The following IGF1R variants were observed in gnomAD, a reference collection of about 807,000 sequenced individuals.
The protein encoded by IGF1R is insulin-like growth factor 1 receptor.
In IGF1R, 44 loss-of-function variants were observed where a neutral mutation model predicts 144.6. The observed-to-expected ratio is 0.30, with a 90% CI of 0.24 to 0.39. The LOEUF is 0.39. Among genes scored for constraint, IGF1R ranks in the 10% least tolerant of loss-of-function variants. The pLI is 1.00. For missense variants in IGF1R, 1,355 were observed against 1,833.7 expected (o/e 0.74, Z 4.77); for synonymous variants, 795 against 722.8 (o/e 1.10, Z -1.60).
intron 1 of IGF1R, among the ~76,000 whole-genome samples, chr15:98,692,949 C>A (rs779480541): frequency 3.9e-5 from 6 of 152,130 alleles, no homozygotes; most frequent in South Asian, 2.1e-4. Flanking sequence ...GACCCTGGAT[C>A]CTTAGTCTCC....
intron 2 of IGF1R, among the ~76,000 whole-genome samples, chr15:98,769,452 CCAGGGGCCTTCTAAG>C (rs1315943620): frequency 2.0e-5 from 3 of 152,126 alleles, no homozygotes; most frequent in Non-Finnish European, 4.4e-5. Context: ...TCAGCTGCTC[CCAGGGGCCTTCTAAG>C]GCCTCAGTCC....
intron 2 of IGF1R, among the ~76,000 whole-genome samples, chr15:98,749,278 A>C (rs540977196): frequency 2.0e-4 from 31 of 151,670 alleles, no homozygotes; most frequent in Admixed American, 5.9e-4. Context: ...AGCCAAGGGG[A>C]TATGCTGCTC....
In IGF1R at chr15:98,649,611, G is replaced by C; in HGVS notation, c.30G>C (p.Pro10=). Residue 10 remains proline (P), a synonymous_variant, in exon 1 of 21, where the codon CCG becomes CCC. Transcript: ENST00000650285. ...AGTCTGGCTCCGGAGGAGGGTCCCCGACCTCGCTGTGGGGGCTCCTGTTTC... is the reference window on the plus strand; with the variant it reads ...AGTCTGGCTCCGGAGGAGGGTCCCCCACCTCGCTGTGGGGGCTCCTGTTTC... MKSGSGGGS[P]TSLWGLLFLS... 1 of 1,594,832 alleles carries C rather than the reference G, an allele frequency of 6.3e-7. No individual in the cohort carries two copies. The highest frequency in any genetic ancestry group is 8.5e-7 in the Non-Finnish European group (1 of 1,171,758).
intron 2 of IGF1R, among the ~76,000 whole-genome samples, chr15:98,760,399 G>A (rs970319400): frequency 1.3e-5 from 2 of 152,092 alleles, no homozygotes; most frequent in African/African-American, 2.4e-5. Context: ...AATTACTATA[G>A]TGGTGGCATT....
chr15:98,661,727 C>T (rs914874531), intron 1 of IGF1R, among the ~76,000 whole-genome samples: 1 of 152,222 alleles, frequency 6.6e-6, no homozygotes, highest in Non-Finnish European at 1.5e-5. Flanking sequence ...CTCAGTGTCT[C>T]TGCCTGTGAT....
chr15:98,830,722 G>C (rs530666234), intron 2 of IGF1R, among the ~76,000 whole-genome samples: 13 of 151,680 alleles, frequency 8.6e-5, no homozygotes, highest in African/African-American at 2.9e-4. Context: ...TCCTGCGTCA[G>C]CCTCCCAAGT....
At chr15:98,796,125 G>C (rs945356625) in intron 2 of IGF1R, among the ~76,000 whole-genome samples, 1 of 152,038 alleles carries the variant, frequency 6.6e-6, no homozygotes, top group Non-Finnish European at 1.5e-5. Context: ...CCGTGGGAGC[G>C]AAGTGGCCAG....
intron 2 of IGF1R, among the ~76,000 whole-genome samples, chr15:98,731,367 T>G (rs573492386): frequency 6.6e-6 from 1 of 152,216 alleles, no homozygotes; most frequent in African/African-American, 2.4e-5. Flanking sequence ...CATCTATCCA[T>G]GTAATTATTA....
rs751395383 is a variant in IGF1R, at chr15:98,916,660, T to G, written c.1997-12T>G. 4 of 1,613,420 alleles carry G rather than the reference T, an allele frequency of 2.5e-6. No homozygotes were observed. In the Admixed American group the frequency reaches 6.7e-5, roughly 27 times the overall value. On this transcript the variant is annotated splice_polypyrimidine_tract_variant and intron_variant, in intron 9 of 20. Coordinates refer to ENST00000650285, the MANE Select transcript of IGF1R (RefSeq NM_000875.5). ...ATTCCCACTCTTGTTTTGGCTTTTC[T>G]TTTCCGAGAAGACAAAATCCCCATC...
chr15:98,684,759 G>A (rs1164032567), intron 1 of IGF1R, among the ~76,000 whole-genome samples: 1 of 152,054 alleles, frequency 6.6e-6, no homozygotes, highest in Non-Finnish European at 1.5e-5. Flanking sequence ...GCGCATGTGG[G>A]ATTTGGCTTC....
chr15:98,660,639 A>G (rs1348546683), intron 1 of IGF1R: 1 of 152,202 alleles, frequency 6.6e-6, no homozygotes, highest in Non-Finnish European at 1.5e-5. Flanking sequence ...TGCTGCATGG[A>G]ACTTGAAAGC....
At position 98,673,044 on chromosome 15, in the gene IGF1R, G is replaced by T. The variant is rs74032507; in HGVS notation, c.94+23369G>T. On this transcript the variant is annotated intron_variant, in intron 1 of 20. Coordinates refer to ENST00000650285, the MANE Select transcript of IGF1R (RefSeq NM_000875.5). ...AATGAGGTCTTTATTATCCTGGCTGGAGTGCAGTGGTGTGATCATGGCTCA... is the reference window on the plus strand; with the variant it reads ...AATGAGGTCTTTATTATCCTGGCTGTAGTGCAGTGGTGTGATCATGGCTCA... Among the ~76,000 whole-genome samples, 1,132 of 152,116 alleles carry T rather than the reference G, an allele frequency of 7.4e-3. 15 individuals are homozygous for T. Among genetic ancestry groups the T allele is most frequent in the African/African-American group, 0.025 (1,041 of 41,484 alleles).
At chr15:98,662,329 C>T (rs1428045638) in intron 1 of IGF1R, among the ~76,000 whole-genome samples, 2 of 152,036 alleles carry the variant, frequency 1.3e-5, no homozygotes, top group Non-Finnish European at 2.9e-5. Flanking sequence ...TGAACCCGGA[C>T]GTCTGAGTCT....
At chr15:98,943,124 G>C in intron 19 of IGF1R, 72 bp downstream of exon 19, 1 of 1,541,928 alleles carries the variant, frequency 6.5e-7, no homozygotes, top group Non-Finnish European at 9.0e-7. Flanking sequence ...TCAGTCTCTA[G>C]GGCTTTATCT....
intron 20 of IGF1R, among the ~76,000 whole-genome samples, chr15:98,956,096 A>T (rs931118537): frequency 2.0e-5 from 3 of 152,188 alleles, no homozygotes; most frequent in Non-Finnish European, 4.4e-5. Context: ...AGCTTGTCAA[A>T]GCCCGGGCCT....
At chr15:98,697,245 C>T (rs556885186) in intron 1 of IGF1R, among the ~76,000 whole-genome samples, 11 of 152,286 alleles carry the variant, frequency 7.2e-5, no homozygotes, top group South Asian at 2.1e-4. Flanking sequence ...TCAACGCAGT[C>T]GGTTGTGGCT....
rs1191143115 is a variant in IGF1R, at chr15:98,648,544, G to A, written c.-1038G>A. On this transcript the variant is annotated 5_prime_UTR_variant, in exon 1 of 21. It adds an upstream start codon to the 5' untranslated region. Coordinates refer to ENST00000650285, the MANE Select transcript of IGF1R (RefSeq NM_000875.5). ...GCGCGCGCGCGCGAGCCCCCAGTGTGTGGCAGCGGCGGCGGCGGCGCGGCG... is the reference window on the plus strand; with the variant it reads ...GCGCGCGCGCGCGAGCCCCCAGTGTATGGCAGCGGCGGCGGCGGCGCGGCG... Among the ~76,000 whole-genome samples, 3 of 145,870 alleles carry A rather than the reference G, an allele frequency of 2.1e-5. No individual in the cohort carries two copies. The highest frequency in any genetic ancestry group is 2.0e-4 in the East Asian group (1 of 5,008).
intron 2 of IGF1R, among the ~76,000 whole-genome samples, chr15:98,712,945 C>T (rs2054029163): frequency 1.3e-5 from 2 of 149,390 alleles, no homozygotes; most frequent in Non-Finnish European, 3.0e-5. Context: ...AGCTCCCCTA[C>T]CTGAAATCCT....
intron 2 of IGF1R, among the ~76,000 whole-genome samples, chr15:98,854,051 T>G (rs1402466286): frequency 6.6e-6 from 1 of 152,168 alleles, no homozygotes; most frequent in East Asian, 1.9e-4. Context: ...ATGCATATCG[T>G]GGTATTATTG....
Sources: gnomAD v4.1 joint callset for allele counts (sites outside exome capture counted in the v4.1 genomes callset) on GRCh38, gnomAD v4.1.1 for gene constraint, MANE v1.5 for transcripts, NCBI Gene and HGNC (gene_info 2026-07-23, HGNC 2026-07-21) for gene names.